The following CENPF variants were observed in gnomAD, a reference collection of about 807,000 sequenced individuals.
The protein encoded by CENPF is centromere protein F, also known as AH antigen.
A neutral mutation model predicts 307.3 loss-of-function variants in CENPF; 214 were observed. The ratio of observed to expected loss-of-function variants is 0.70; its 90% CI spans 0.62 to 0.78. CENPF has a LOEUF of 0.78. Among genes scored for constraint, CENPF ranks in the 30% least tolerant of loss-of-function variants. The probability of loss-of-function intolerance (pLI) is 0.00; values close to 1 mark genes in which losing one functional copy is unlikely to be tolerated. For missense variants in CENPF, 3,401 were observed against 3,483.9 expected (o/e 0.98, Z 0.60); for synonymous variants, 1,259 against 1,270.6 (o/e 0.99, Z 0.19).
intron 3 of CENPF, among the ~76,000 whole-genome samples, chr1:214,615,894 G>A (rs569409654): frequency 3.9e-5 from 6 of 152,116 alleles, no homozygotes; most frequent in South Asian, 2.1e-4. Context: ...AGCCGAGTTC[G>A]TGCCATATCC....
Position 214,629,191 on chromosome 1 carries a change from G to A in CENPF, c.1194+20G>A. The A allele has an allele frequency of 6.4e-7, 1 of 1,571,962 alleles. No individual in the cohort carries two copies. Among genetic ancestry groups the A allele is most frequent in the Non-Finnish European group, 8.6e-7 (1 of 1,162,274 alleles). ...CAAGAGGTAAGGTAAATGGATTCAT[G>A]AGGTGTTTGTCTGAAAGGCTTTTTA... On this transcript the variant is annotated intron_variant, in intron 8 of 19. Transcript: ENST00000366955.
At chr1:214,603,684 C>T (rs1656948329) in intron 1 of CENPF, 1 of 152,188 alleles carries the variant, frequency 6.6e-6, no homozygotes. Flanking sequence ...CCGTAACCAA[C>T]CTTATTGAAA....
Position 214,664,104 on chromosome 1 carries a change from A to G in CENPF, c.*310A>G, listed in dbSNP as rs368338293. Reference sequence around the variant, plus strand: ...GCACTATATCACAATCTCTGTTTGTATGTGGGTTTTACACTAAAAAAATGC... The same window carrying G: ...GCACTATATCACAATCTCTGTTTGTGTGTGGGTTTTACACTAAAAAAATGC... On this transcript the variant is annotated 3_prime_UTR_variant, in exon 20 of 20. Transcript: ENST00000366955. The G allele has an allele frequency of 3.7e-5, 8 of 214,264 alleles. No homozygotes were observed. Among genetic ancestry groups the G allele is most frequent in the Non-Finnish European group, 6.4e-5 (7 of 109,246 alleles). The allele number at this position is 214,264 out of a possible 1,614,324, so 13.3% of individuals were successfully genotyped here. A position where few individuals can be genotyped will look rare whatever the true frequency, so the allele number is the denominator to read the frequency against.
At position 214,649,973 on chromosome 1, in the gene CENPF, T is replaced by TTA. The variant is rs1176463986; in HGVS notation, c.7983+1147_7983+1148dup. Among the ~76,000 whole-genome samples the TTA allele has an allele frequency of 5.9e-5, 9 of 152,338 alleles. No individual in the cohort carries two copies. The South Asian group carries it at 1.9e-3, about 32-fold the overall frequency. On this transcript the variant is annotated intron_variant, in intron 14 of 19. Transcript: ENST00000366955. ...CCTGTGTTTCCTGCACTCATGCAGC[T>TTA]TACAGTCTAGACACATAATAAATCA...
chr1:214,633,125 A>G lies in CENPF; in HGVS notation c.1446+523A>G, dbSNP rs540797574. Reference sequence around the variant, plus strand: ...AAAATTCTTATAAAAACATCAAGCAATTGTCAATTATATGACTCTGGCTTC... The same window carrying G: ...AAAATTCTTATAAAAACATCAAGCAGTTGTCAATTATATGACTCTGGCTTC... On this transcript the variant is annotated intron_variant, in intron 10 of 19. Transcript: ENST00000366955. 5.3e-5 allele frequency among the ~76,000 whole-genome samples: 8 copies of G among 152,366 alleles called. No homozygotes were observed. The East Asian group carries it at 1.5e-3, about 29-fold the overall frequency.
Position 214,641,804 on chromosome 1 carries a change from C to T in CENPF, c.3466C>T (p.Leu1156=). ...TGACTTATTACAAGAGAATGAACAGCTGATGAAGGTAATGAAGACTAAACA... is the reference window on the plus strand; with the variant it reads ...TGACTTATTACAAGAGAATGAACAGTTGATGAAGGTAATGAAGACTAAACA... ...VNDLLQENEQ[L]MKVMKTKHEC... The change falls in exon 12 of 20, where the codon CTG becomes TTG. Residue 1156 remains leucine (L), a synonymous_variant. Coordinates refer to ENST00000366955, the MANE Select transcript of CENPF (RefSeq NM_016343.4). The T allele has an allele frequency of 6.2e-7, 1 of 1,606,284 alleles. No individual in the cohort carries two copies. The highest frequency in any genetic ancestry group is 8.5e-7 in the Non-Finnish European group (1 of 1,178,132).
At chr1:214,610,171 T>C (rs554439122) in intron 1 of CENPF, among the ~76,000 whole-genome samples, 76 of 152,300 alleles carry the variant, frequency 5.0e-4, no homozygotes, top group African/African-American at 1.7e-3. Flanking sequence ...CATGTGTCTT[T>C]ATGGCTGAAT....
At chr1:214,636,174 C>T (rs1049329379) in intron 10 of CENPF, among the ~76,000 whole-genome samples, 1 of 152,060 alleles carries the variant, frequency 6.6e-6, no homozygotes, top group African/African-American at 2.4e-5. Flanking sequence ...CTACATTGCC[C>T]CTGTCAAAGT....
In CENPF at chr1:214,608,522, C is replaced by T. The variant is rs1272321170; in HGVS notation, c.-41-5192C>T. On this transcript the variant is annotated intron_variant, in intron 1 of 19. Transcript: ENST00000366955. ...AGGACCGTGTACCTGGCACCAGTCACGCAGCGAACATACATGCAGGAGACG... is the reference window on the plus strand; with the variant it reads ...AGGACCGTGTACCTGGCACCAGTCATGCAGCGAACATACATGCAGGAGACG... The T allele has an allele frequency of 1.4e-5, 23 of 1,611,862 alleles. No individual in the cohort carries two copies. The South Asian group carries it at 1.9e-4, about 13-fold the overall frequency.
rs1302427616 is a variant in CENPF, at chr1:214,645,035, T to C, written c.5465T>C (p.Ile1822Thr). ...HLQEVQLMTK[I>T]EACIELEKIV... ...CAGGAGGTACAACTAATGACCAAAA[T>C]TGAAGCATGCATAGAATTGGAAAAA... The change falls in exon 13 of 20, where the codon ATT becomes ACT. Residue 1822 changes from isoleucine to threonine, a missense_variant. Coordinates refer to ENST00000366955, the MANE Select transcript of CENPF (RefSeq NM_016343.4). 8.7e-6 allele frequency: 14 copies of C among 1,613,768 alleles called. No homozygotes were observed. The highest frequency in any genetic ancestry group is 3.3e-5 in the South Asian group (3 of 91,020).
chr1:214,648,233 C>G (rs770244630), intron 13 of CENPF, among the ~76,000 whole-genome samples: 9 of 152,144 alleles, frequency 5.9e-5, no homozygotes, highest in Non-Finnish European at 8.8e-5. Flanking sequence ...TGTTTCACTT[C>G]AAGGGACAAA....
rs748962680 is a variant in CENPF, at chr1:214,640,533, T to C, written c.2195T>C (p.Val732Ala). Reference protein sequence around the residue: ...CLKTSQLTGQVEDLEHKLQLL... With the variant: ...CLKTSQLTGQAEDLEHKLQLL... ...AAGACTTCTCAGCTTACTGGGCAAG[T>C]TGAAGATCTAGAACACAAGCTTCAG... Residue 732 changes from valine to alanine, a missense_variant, in exon 12 of 20, where the codon GTT becomes GCT. Val to Ala is a moderately conservative substitution (Grantham distance 64, BLOSUM62 0). Transcript: ENST00000366955. 1.2e-6 allele frequency: 2 copies of C among 1,614,032 alleles called. No individual in the cohort carries two copies. Among genetic ancestry groups the C allele is most frequent in the African/African-American group, 2.7e-5 (2 of 74,940 alleles).
At chr1:214,631,913 G>A (rs11120369) in intron 9 of CENPF, among the ~76,000 whole-genome samples, 8,812 of 152,212 alleles carry the variant, frequency 0.058, 812 homozygotes, top group African/African-American at 0.2. Context: ...GCTAATTGGA[G>A]GTAGTCTCGG....
chr1:214,641,077 G>A lies in CENPF; in HGVS notation c.2739G>A (p.Leu913=). ...LSALENKEKE[L]QLLNDKVETE... ...CCCTTGAGAACAAGGAAAAAGAGCT[G>A]CAACTTTTAAATGATAAGGTAGAAA... Residue 913 remains leucine, a synonymous_variant, in exon 12 of 20, where the codon CTG becomes CTA. Coordinates refer to ENST00000366955, the MANE Select transcript of CENPF (RefSeq NM_016343.4). 1 of 1,566,734 alleles carries A rather than the reference G, an allele frequency of 6.4e-7. No individual in the cohort carries two copies. The highest frequency in any genetic ancestry group is 8.6e-7 in the Non-Finnish European group (1 of 1,165,652).
At position 214,637,892 on chromosome 1, in the gene CENPF, T is replaced by G. The variant is rs754339513; in HGVS notation, c.1473T>G (p.Leu491=). The change falls in exon 11 of 20, where the codon CTT becomes CTG. Residue 491 remains leucine (L), a synonymous_variant. Transcript: ENST00000366955. ...MEEMKKENNL[L]KSHSEQKARE... is the part of the protein sequence containing the mutation. ...AAATGAAGAAGGAAAACAACCTCCT[T>G]AAGAGTCACTCTGAGCAAAAGGCCA... 2 of 1,611,484 alleles carry G rather than the reference T, an allele frequency of 1.2e-6. No individual in the cohort carries two copies. The highest frequency in any genetic ancestry group is 8.5e-7 in the Non-Finnish European group (1 of 1,179,504).
chr1:214,662,351 C>A (rs909584738), intron 19 of CENPF, among the ~76,000 whole-genome samples: 1 of 152,056 alleles, frequency 6.6e-6, no homozygotes, highest in African/African-American at 2.4e-5. Flanking sequence ...TCCAAGGCTG[C>A]GTCTTTTCAG....
At chr1:214,650,844 C>T (rs900747662) in intron 14 of CENPF, among the ~76,000 whole-genome samples, 3 of 152,028 alleles carry the variant, frequency 2.0e-5, no homozygotes, top group Non-Finnish European at 4.4e-5. Context: ...CATGATTGTG[C>T]CACCGCACTC....
chr1:214,651,820 A>C lies in CENPF; in HGVS notation c.8094A>C (p.Glu2698Asp). Residue 2698 changes from glutamate (E) to aspartate (D), a missense_variant, in exon 15 of 20, where the codon GAA becomes GAC. Glu to Asp is a conservative substitution (Grantham distance 45, BLOSUM62 2). Coordinates refer to ENST00000366955, the MANE Select transcript of CENPF (RefSeq NM_016343.4). ...KEGKVREEIA[E>D]YQLRLHEAEK... ...GGAAAGTGAGAGAGGAAATAGCTGA[A>C]TATCAGCTACGGCTTCATGAAGCTG... 2 of 1,613,192 alleles carry C rather than the reference A, an allele frequency of 1.2e-6. No homozygotes were observed. The highest frequency in any genetic ancestry group is 2.2e-5 in the South Asian group (2 of 90,958).
chr1:214,621,900 A>G (rs1181254265), intron 6 of CENPF, among the ~76,000 whole-genome samples, 179 bp from the exon 7 acceptor site: 1 of 152,258 alleles, frequency 6.6e-6, no homozygotes, highest in Non-Finnish European at 1.5e-5. Context: ...AGAGTATTTG[A>G]ATGCAAATGA....
Sources: allele counts gnomAD v4.1 joint callset (sites outside exome capture counted in the v4.1 genomes callset), GRCh38; gene constraint gnomAD v4.1.1; transcripts MANE v1.5; gene names NCBI Gene and HGNC (gene_info 2026-07-23, HGNC 2026-07-21).